Variants in MARCHF9 observed in about 807,000 individuals in gnomAD.
MARCHF9 encodes E3 ubiquitin-protein ligase MARCHF9.
MARCHF9 carries 17 observed loss-of-function variants against 35.2 expected under a neutral mutation model. That is an observed-to-expected ratio of 0.48 (90% confidence interval 0.33 to 0.72). The LOEUF (loss-of-function observed/expected upper bound fraction) is 0.72, where lower values mean the gene tolerates loss of function less well. Ranked by LOEUF, MARCHF9 falls within the 30% of genes least tolerant of loss-of-function variation. The pLI is 0.02. For synonymous variants in MARCHF9, 183 were observed against 207.4 expected (o/e 0.88, Z 1.01); for missense variants, 386 against 478.2 (o/e 0.81, Z 1.80).
In MARCHF9 at chr12:57,755,493, C is replaced by T. The variant is rs763295009; in HGVS notation, c.-36C>T. On this transcript the variant is annotated 5_prime_UTR_variant, in exon 1 of 4. Coordinates refer to ENST00000266643, the MANE Select transcript of MARCHF9 (RefSeq NM_138396.6). Reference sequence around the variant, plus strand: ...CCTCCCCCCGCCGCTAGCGAGCCCCCCTTGCACGCTGCCCCCCGCCCCCGG... The same window carrying T: ...CCTCCCCCCGCCGCTAGCGAGCCCCTCTTGCACGCTGCCCCCCGCCCCCGG... 1 of 1,052,162 alleles carries T rather than the reference C, an allele frequency of 9.5e-7. No homozygotes were observed. The highest frequency in any genetic ancestry group is 1.2e-6 in the Non-Finnish European group (1 of 800,084). The allele number at this position is 1,052,162 out of a possible 1,614,324, so 65.2% of individuals were successfully genotyped here. A position where few individuals can be genotyped will look rare whatever the true frequency, so the allele number is the denominator to read the frequency against.
Position 57,758,174 on chromosome 12 carries a change from T to C in MARCHF9, c.580T>C (p.Phe194Leu). 4 of 1,614,244 alleles carry C rather than the reference T, an allele frequency of 2.5e-6. No homozygotes were observed. The highest frequency in any genetic ancestry group is 3.4e-6 in the Non-Finnish European group (4 of 1,180,038). Residue 194 changes from phenylalanine (F) to leucine (L), a missense_variant, in exon 3 of 4, where the codon TTC (phenylalanine) becomes CTC (leucine). Phe to Leu is a conservative substitution (Grantham distance 22). Transcript: ENST00000266643. This position sits in a 1 kb window ranked among gnomAD's most constrained non-coding sequence, Gnocchi z 5.4. ...QIAAIVLGSL[F>L]LVASISWLIW... is the part of the protein sequence containing the mutation. ...TGCTGCCATAGTTCTGGGCTCGCTC[T>C]TCCTGGTTGCCAGCATCTCCTGGCT... is the stretch of plus-strand genomic sequence containing the variant.
At chr12:57,755,937 G>T (rs1955284304) in intron 1 of MARCHF9, 52 bp downstream of exon 1, 5 of 1,330,622 alleles carry the variant, frequency 3.8e-6, no homozygotes, top group East Asian at 6.5e-5. Context: ...CGCACCTGGG[G>T]TGTCAGCGGA....
Position 57,755,901 on chromosome 12 carries a change from C to A in MARCHF9, c.357+16C>A. The A allele has an allele frequency of 6.8e-7, 1 of 1,464,596 alleles. No individual in the cohort carries two copies. Among genetic ancestry groups the A allele is most frequent in the East Asian group, 2.8e-5 (1 of 35,838 alleles). The allele number at this position is 1,464,596 out of a possible 1,614,324, so 90.7% of individuals were successfully genotyped here. On this transcript the variant is annotated intron_variant, in intron 1 of 3. Coordinates refer to ENST00000266643, the MANE Select transcript of MARCHF9 (RefSeq NM_138396.6). ...CCCGGAGCAGGTCAGGCCTGGGCAC[C>A]TGGCCGGGCGCGGAGGGTGGAGGCG...
At position 57,758,343 on chromosome 12, in the gene MARCHF9, C is replaced by T; in HGVS notation, c.706+43C>T. ...TCCTTTACCTGCTCTGTATCTTCCT[C>T]TTACACACCTAACTCCCCTGCCCAT... On this transcript the variant is annotated intron_variant, in intron 3 of 3. Coordinates refer to ENST00000266643, the MANE Select transcript of MARCHF9 (RefSeq NM_138396.6). This position sits in a 1 kb window ranked among gnomAD's most constrained non-coding sequence, Gnocchi z 5.4. 7 of 1,569,068 alleles carry T rather than the reference C, an allele frequency of 4.5e-6. No homozygotes were observed. Among genetic ancestry groups the T allele is most frequent in the Non-Finnish European group, 6.1e-6 (7 of 1,151,496 alleles).
rs946648660 is a variant in MARCHF9 at position 57,755,394 on chromosome 12, C to G, written c.-135C>G. On this transcript the variant is annotated 5_prime_UTR_variant, in exon 1 of 4. Coordinates refer to ENST00000266643, the MANE Select transcript of MARCHF9 (RefSeq NM_138396.6). The stretch of plus-strand genomic sequence containing the variant: ...CCCCGGCGGTGGCAGCAGTGAACGG[C>G]TGTCGCAGGCCCCGAAGACCCCGGC... The G allele has an allele frequency of 2.1e-5, 9 of 425,570 alleles. No individual in the cohort carries two copies. The highest frequency in any genetic ancestry group is 1.9e-4 in the African/African-American group (9 of 47,400). The allele number at this position is 425,570 out of a possible 1,614,324, so 26.4% of individuals were successfully genotyped here.
In MARCHF9 at chr12:57,755,733, G is replaced by A; in HGVS notation, c.205G>A (p.Ala69Thr). 18 of 1,218,704 alleles carry A rather than the reference G, an allele frequency of 1.5e-5. 1 individual carries two copies. The highest frequency in any genetic ancestry group is 3.2e-4 in the Middle Eastern group (1 of 3,082). The allele number at this position is 1,218,704 out of a possible 1,614,324, so 75.5% of individuals were successfully genotyped here. ...YGSEPRARGL[A>T]GDKEPRAGPL... ...GTCGGAGCCGCGGGCCCGGGGCCTG[G>A]CCGGCGACAAGGAGCCGCGGGCCGG... is the stretch of plus-strand genomic sequence containing the variant. The change falls in exon 1 of 4, where the codon GCC becomes ACC. Residue 69 changes from alanine (A) to threonine (T), a missense_variant. Coordinates refer to ENST00000266643, the MANE Select transcript of MARCHF9 (RefSeq NM_138396.6).
rs1955281780 is a variant in MARCHF9, at chr12:57,755,699, G to A, written c.171G>A (p.Glu57=). 7.9e-7 allele frequency: 1 copy of A among 1,261,062 alleles called. No individual in the cohort carries two copies. The highest frequency in any genetic ancestry group is 9.9e-7 in the Non-Finnish European group (1 of 1,006,566). The allele number at this position is 1,261,062 out of a possible 1,614,324, so 78.1% of individuals were successfully genotyped here. Residue 57 remains glutamate (E), a synonymous_variant, in exon 1 of 4, where the codon GAG becomes GAA. Coordinates refer to ENST00000266643, the MANE Select transcript of MARCHF9 (RefSeq NM_138396.6). ...STRDGDGDEE[E]YYGSEPRARG... is the part of the protein sequence containing the mutation. ...GGGACGGCGACGGCGACGAGGAGGA[G>A]TACTACGGGTCGGAGCCGCGGGCCC...
In MARCHF9 at chr12:57,755,967, G is replaced by A. The variant is rs556453839; in HGVS notation, c.357+82G>A. 1.2e-5 allele frequency: 12 copies of A among 1,042,544 alleles called. No homozygotes were observed. In the East Asian group the frequency reaches 4.2e-4, roughly 36 times the overall value. The allele number at this position is 1,042,544 out of a possible 1,614,324, so 64.6% of individuals were successfully genotyped here. A position where few individuals can be genotyped will look rare whatever the true frequency, so the allele number is the denominator to read the frequency against. ...AGCGGAGACCGCGAGCAGGCGCGGC[G>A]CCTAAGGAGGCTGGGCGGGCCCCAG... is the stretch of plus-strand genomic sequence containing the variant. On this transcript the variant is annotated intron_variant, in intron 1 of 3. Coordinates refer to ENST00000266643, the MANE Select transcript of MARCHF9 (RefSeq NM_138396.6).
At chr12:57,757,117 C>A in intron 2 of MARCHF9, 33 bp downstream of exon 2, 1 of 1,512,558 alleles carries the variant, frequency 6.6e-7, no homozygotes, top group African/African-American at 1.4e-5. Flanking sequence ...GGAGATTGGG[C>A]GAGGACCTTT....
Position 57,755,876 on chromosome 12 carries a change from C to T in MARCHF9, c.348C>T (p.Gly116=). The change falls in exon 1 of 4, where the codon GGC becomes GGT. Residue 116 remains glycine, a synonymous_variant. Transcript: ENST00000266643. ...RTPQCRICFQ[G]PEQGELLSPC... ...CTCAGTGCCGGATCTGCTTCCAGGG[C>T]CCGGAGCAGGTCAGGCCTGGGCACC... 1.3e-6 allele frequency: 2 copies of T among 1,520,830 alleles called. No homozygotes were observed. The highest frequency in any genetic ancestry group is 1.2e-5 in the South Asian group (1 of 84,144). The allele number at this position is 1,520,830 out of a possible 1,614,324, so 94.2% of individuals were successfully genotyped here. A position where few individuals can be genotyped will look rare whatever the true frequency, so the allele number is the denominator to read the frequency against.
In MARCHF9 at chr12:57,759,129, C is replaced by T. The variant is rs756628131; in HGVS notation, c.*232C>T. On this transcript the variant is annotated 3_prime_UTR_variant, in exon 4 of 4. Transcript: ENST00000266643. ...GCAGCTCCTCCCACTCATCCAGAGACGGCCGGTGGGCAGGCGGGGAGAGCA... is the reference window on the plus strand; with the variant it reads ...GCAGCTCCTCCCACTCATCCAGAGATGGCCGGTGGGCAGGCGGGGAGAGCA... 2.0e-4 allele frequency: 97 copies of T among 491,252 alleles called. No homozygotes were observed. Among genetic ancestry groups the T allele is most frequent in the Non-Finnish European group, 3.1e-4 (85 of 278,686 alleles). 30.4% of individuals were successfully genotyped at this position (491,252 alleles called of 1,614,324 possible). A position where few individuals can be genotyped will look rare whatever the true frequency, so the allele number is the denominator to read the frequency against.
Position 57,758,128 on chromosome 12 carries a change from G to A in MARCHF9, c.534G>A (p.Thr178=), listed in dbSNP as rs780044971. Residue 178 remains threonine (T), a synonymous_variant, in exon 3 of 4, where the codon ACG becomes ACA. Transcript: ENST00000266643. This position sits in a 1 kb window ranked among gnomAD's most constrained non-coding sequence, Gnocchi z 5.4. ...NPLQWQAISL[T]VIEKVQIAAI... ...CACAGTGGCAGGCCATCTCCCTGAC[G>A]GTCATCGAGAAGGTCCAGATTGCTG... 19 of 1,614,022 alleles carry A rather than the reference G, an allele frequency of 1.2e-5. No individual in the cohort carries two copies. The highest frequency in any genetic ancestry group is 1.5e-5 in the Non-Finnish European group (18 of 1,180,042).
At chr12:57,757,912 C>T in intron 2 of MARCHF9, 196 bp from the exon 3 acceptor site, 2 of 686,796 alleles carry the variant, frequency 2.9e-6, no homozygotes, top group Admixed American at 2.1e-5. Context: ...TTGCCCAATC[C>T]TGCCTTTCTA....
chr12:57,757,936 G>GGT, intron 2 of MARCHF9, 172 bp from the exon 3 acceptor site: 1 of 728,298 alleles, frequency 1.4e-6, no homozygotes, highest in Non-Finnish European at 2.4e-6. Flanking sequence ...TAAGACAAAT[G>GGT]GTGTCAGACA....
In MARCHF9 at chr12:57,755,734, C is replaced by T. The variant is rs1955282265; in HGVS notation, c.206C>T (p.Ala69Val). Reference protein sequence around the residue: ...YGSEPRARGLAGDKEPRAGPL... With the variant: ...YGSEPRARGLVGDKEPRAGPL... ...TCGGAGCCGCGGGCCCGGGGCCTGGCCGGCGACAAGGAGCCGCGGGCCGGA... is the reference window on the plus strand; with the variant it reads ...TCGGAGCCGCGGGCCCGGGGCCTGGTCGGCGACAAGGAGCCGCGGGCCGGA... The change falls in exon 1 of 4, where the codon GCC (alanine) becomes GTC (valine). Residue 69 changes from alanine (A) to valine (V), a missense_variant. By Grantham distance (64) the Ala-to-Val change is moderately conservative (BLOSUM62 0). Around this residue, in one of 3 missense-constraint regions of MARCHF9, gnomAD observed 219 missense variants for 316.2 expected, o/e 0.69. Coordinates refer to ENST00000266643, the MANE Select transcript of MARCHF9 (RefSeq NM_138396.6). 18 of 1,219,168 alleles carry T rather than the reference C, an allele frequency of 1.5e-5. No homozygotes were observed. Among genetic ancestry groups the T allele is most frequent in the Admixed American group, 8.8e-5 (2 of 22,710 alleles). The allele number at this position is 1,219,168 out of a possible 1,614,324, so 75.5% of individuals were successfully genotyped here.
At position 57,758,955 on chromosome 12, in the gene MARCHF9, TGGCTGCTGGAG is replaced by T; in HGVS notation, c.*60_*70del. The stretch of plus-strand genomic sequence containing the variant: ...TGCATCAGTCAGAGAAGAACTCTCA[TGGCTGCTGGAG>T]GTACCAGCTGGACAAGGTGTTTGGG... On this transcript the variant is annotated 3_prime_UTR_variant, in exon 4 of 4. Transcript: ENST00000266643. This position sits in a 1 kb window ranked among gnomAD's most constrained non-coding sequence, Gnocchi z 5.4. 2 of 1,460,382 alleles carry T rather than the reference TGGCTGCTGGAG, an allele frequency of 1.4e-6. No individual in the cohort carries two copies. The highest frequency in any genetic ancestry group is 1.8e-6 in the Non-Finnish European group (2 of 1,088,882). The allele number at this position is 1,460,382 out of a possible 1,614,324, so 90.5% of individuals were successfully genotyped here.
rs1373619089 is a variant in MARCHF9, at chr12:57,758,525, C to G, written c.707-38C>G. 6.5e-7 allele frequency: 1 copy of G among 1,544,456 alleles called. No homozygotes were observed. The highest frequency in any genetic ancestry group is 1.2e-5 in the South Asian group (1 of 81,366). On this transcript the variant is annotated intron_variant, in intron 3 of 3. Transcript: ENST00000266643. The surrounding 1 kb of genome is among the most constrained non-coding windows in gnomAD (Gnocchi z 5.4). Reference sequence around the variant, plus strand: ...TAAGTACCTCTGGCCTAGATCTAGGCCACAGTTAACCCTGGATTTCTTATT... The same window carrying G: ...TAAGTACCTCTGGCCTAGATCTAGGGCACAGTTAACCCTGGATTTCTTATT...
chr12:57,757,513 G>A lies in MARCHF9; in HGVS notation c.513+429G>A, dbSNP rs4760322. On this transcript the variant is annotated intron_variant, in intron 2 of 3. Transcript: ENST00000266643. The stretch of plus-strand genomic sequence containing the variant: ...CTAAGAATACAAAAATTAGCCAGGC[G>A]TGGTGGCTCGTGCCTGTAAGCTACT... 1,215 of 188,554 alleles carry A rather than the reference G, an allele frequency of 6.4e-3. 30 individuals carry two copies. The highest frequency in any genetic ancestry group is 0.056 in the South Asian group (588 of 10,528). 11.7% of individuals were successfully genotyped at this position (188,554 alleles called of 1,614,324 possible). A position where few individuals can be genotyped will look rare whatever the true frequency, so the allele number is the denominator to read the frequency against.
chr12:57,755,849 C>T lies in MARCHF9; in HGVS notation c.321C>T (p.Thr107=). The T allele has an allele frequency of 6.5e-7, 1 of 1,526,796 alleles. No homozygotes were observed. The highest frequency in any genetic ancestry group is 8.7e-7 in the Non-Finnish European group (1 of 1,145,704). The allele number at this position is 1,526,796 out of a possible 1,614,324, so 94.6% of individuals were successfully genotyped here. A position where few individuals can be genotyped will look rare whatever the true frequency, so the allele number is the denominator to read the frequency against. Residue 107 remains threonine, a synonymous_variant, in exon 1 of 4, where the codon ACC becomes ACT. Coordinates refer to ENST00000266643, the MANE Select transcript of MARCHF9 (RefSeq NM_138396.6). ...GTAGCCTGGACAGCGGACTCCGAAC[C>T]CCTCAGTGCCGGATCTGCTTCCAGG... ...LSSSLDSGLR[T]PQCRICFQGP... is the part of the protein sequence containing the mutation.
Sources: allele counts gnomAD v4.1 joint callset, GRCh38; gene constraint gnomAD v4.1.1; regional missense constraint gnomAD v4.1.1; non-coding constraint Gnocchi (gnomAD v3.1); transcripts MANE v1.5; gene names NCBI Gene and HGNC (gene_info 2026-07-23, HGNC 2026-07-21).